Variants in NKAIN3 observed in about 807,000 individuals in gnomAD.
NKAIN3 encodes sodium/potassium-transporting ATPase subunit beta-1-interacting protein 3.
In NKAIN3, 25 loss-of-function variants were observed where a neutral mutation model predicts 30.2. The observed-to-expected ratio is 0.83, with a 90% CI of 0.60 to 1.16. NKAIN3 has a LOEUF of 1.16. Among genes scored for constraint, NKAIN3 ranks in the 50% most tolerant of loss-of-function variants. The pLI, the probability that NKAIN3 is intolerant of heterozygous loss-of-function variation, is 0.00. For missense variants in NKAIN3, 225 were observed against 254.1 expected (o/e 0.89, Z 0.78); for synonymous variants, 91 against 89.6 (o/e 1.02, Z -0.09).
At chr8:62,400,391 C>T (rs1817900926) in intron 1 of NKAIN3, among the ~76,000 whole-genome samples, 2 of 151,924 alleles carry the variant, frequency 1.3e-5, no homozygotes, top group Non-Finnish European at 2.9e-5. Flanking sequence ...AGGCTGGTCT[C>T]GAACTCCTGA....
At chr8:62,762,328 A>T (rs77560306) in intron 4 of NKAIN3, among the ~76,000 whole-genome samples, 1 of 145,718 alleles carries the variant, frequency 6.9e-6, no homozygotes, top group Non-Finnish European at 1.5e-5. Flanking sequence ...AAAAAAAAAA[A>T]CAAAAAACAA....
chr8:62,790,221 A>G (rs1237278385), intron 4 of NKAIN3, among the ~76,000 whole-genome samples: 4 of 152,194 alleles, frequency 2.6e-5, no homozygotes, highest in Non-Finnish European at 4.4e-5. Context: ...CCACATGATT[A>G]TCTCAGTAGA....
chr8:62,261,223 T>A (rs1323323269), intron 1 of NKAIN3, among the ~76,000 whole-genome samples: 1 of 152,242 alleles, frequency 6.6e-6, no homozygotes, highest in African/African-American at 2.4e-5. Flanking sequence ...TTGCTTTGAA[T>A]ACGTCTGTAA....
chr8:62,849,985 G>A (rs561146652), intron 4 of NKAIN3, among the ~76,000 whole-genome samples: 52 of 152,150 alleles, frequency 3.4e-4, no homozygotes, highest in African/African-American at 1.2e-3. Context: ...TGCGATAGCT[G>A]GGTGAAATGG....
In NKAIN3 at chr8:62,490,711, C is replaced by T. The variant is rs534282543; in HGVS notation, c.55-88828C>T. ...GATTCATGGGTACCAAATGATGGCC[C>T]AGCCCATCACGATGCCATCCCAGTG... is the stretch of plus-strand genomic sequence containing the variant. On this transcript the variant is annotated intron_variant, in intron 1 of 6. Coordinates refer to ENST00000623646, the MANE Select transcript of NKAIN3 (RefSeq NM_001304533.3). Among the ~76,000 whole-genome samples, 3 of 152,210 alleles carry T rather than the reference C, an allele frequency of 2.0e-5. No homozygotes were observed. In the South Asian group the frequency reaches 6.2e-4, roughly 32 times the overall value.
chr8:62,444,179 G>A lies in NKAIN3; in HGVS notation c.55-135360G>A, dbSNP rs1329341920. Among the ~76,000 whole-genome samples the A allele has an allele frequency of 2.6e-5, 4 of 152,102 alleles. No homozygotes were observed. The East Asian group carries it at 7.8e-4, about 29-fold the overall frequency. Reference sequence around the variant, plus strand: ...TCATAATTTATATAATATATAATATGTGAAGGACAAATCAGGGTAATTGAG... The same window carrying A: ...TCATAATTTATATAATATATAATATATGAAGGACAAATCAGGGTAATTGAG... On this transcript the variant is annotated intron_variant, in intron 1 of 6. Coordinates refer to ENST00000623646, the MANE Select transcript of NKAIN3 (RefSeq NM_001304533.3).
chr8:62,949,353 GT>G (rs1823215575), intron 5 of NKAIN3, among the ~76,000 whole-genome samples: 1 of 152,162 alleles, frequency 6.6e-6, no homozygotes, highest in African/African-American at 2.4e-5. Flanking sequence ...GCTATTGGTT[GT>G]GTATTTTTTT....
chr8:62,505,396 G>A (rs375513853), intron 1 of NKAIN3, among the ~76,000 whole-genome samples: 1 of 152,048 alleles, frequency 6.6e-6, no homozygotes, highest in Non-Finnish European at 1.5e-5. Context: ...ATTATGAAAA[G>A]CAAAATTTCT....
chr8:62,355,190 T>C (rs118068046), intron 1 of NKAIN3, among the ~76,000 whole-genome samples: 1 of 152,168 alleles, frequency 6.6e-6, no homozygotes, highest in African/African-American at 2.4e-5. Context: ...AGCTGAGGGT[T>C]CTTTTCACAT....
In NKAIN3 at chr8:62,970,049, C is replaced by CA. The variant is rs1313148899; in HGVS notation, c.*4648dup. 2.7e-5 allele frequency among the ~76,000 whole-genome samples: 4 copies of CA among 147,816 alleles called. No homozygotes were observed. In the East Asian group the frequency reaches 8.2e-4, roughly 30 times the overall value. ...ATCTCTACAAAAACAAACAAATAAA[C>CA]AAAAAATACCTAAAAAAAAATTTAA... On this transcript the variant is annotated 3_prime_UTR_variant, in exon 7 of 7. Transcript: ENST00000623646.
intron 3 of NKAIN3, among the ~76,000 whole-genome samples, chr8:62,664,537 C>T (rs886886712): frequency 3.3e-5 from 5 of 152,090 alleles, no homozygotes; most frequent in African/African-American, 1.2e-4. Flanking sequence ...GTGGATTCCT[C>T]TCTCATTTTT....
intron 5 of NKAIN3, among the ~76,000 whole-genome samples, chr8:62,943,323 T>G (rs1002754706): frequency 6.6e-6 from 1 of 150,378 alleles, no homozygotes; most frequent in African/African-American, 2.5e-5. Flanking sequence ...GAAATGCAAA[T>G]CAAAACTACA....
At chr8:62,529,720 C>T (rs1808428091) in intron 1 of NKAIN3, among the ~76,000 whole-genome samples, 1 of 152,058 alleles carries the variant, frequency 6.6e-6, no homozygotes, top group Non-Finnish European at 1.5e-5. Context: ...CCACCCAGTA[C>T]ATGGTATTCT....
chr8:62,472,592 A>G (rs1037503317), intron 1 of NKAIN3, among the ~76,000 whole-genome samples: 2 of 152,170 alleles, frequency 1.3e-5, no homozygotes, highest in African/African-American at 4.8e-5. Flanking sequence ...GCTTTAGCTG[A>G]AGTTATCTCA....
intron 1 of NKAIN3, among the ~76,000 whole-genome samples, chr8:62,356,414 G>T (rs1563362941): frequency 6.6e-6 from 1 of 152,032 alleles, no homozygotes; most frequent in Non-Finnish European, 1.5e-5. Context: ...ACTTACATTT[G>T]TTTATGTATT....
intron 1 of NKAIN3, among the ~76,000 whole-genome samples, chr8:62,543,719 A>G (rs1033094269): frequency 6.6e-6 from 1 of 152,190 alleles, no homozygotes; most frequent in Non-Finnish European, 1.5e-5. Context: ...AATGTGTAAC[A>G]TTTGTAATAC....
chr8:62,316,932 C>G (rs1381900153), intron 1 of NKAIN3, among the ~76,000 whole-genome samples: 1 of 152,162 alleles, frequency 6.6e-6, no homozygotes, highest in Admixed American at 6.5e-5. Flanking sequence ...TCCTTTCCAG[C>G]ACCTGTTGTT....
chr8:62,566,936 G>C (rs1361085160), intron 1 of NKAIN3, among the ~76,000 whole-genome samples: 1 of 151,864 alleles, frequency 6.6e-6, no homozygotes, highest in East Asian at 1.9e-4. Context: ...ATCTCAAATG[G>C]GGCATTAGTA....
At chr8:62,304,324 T>C (rs1814153353) in intron 1 of NKAIN3, among the ~76,000 whole-genome samples, 1 of 150,384 alleles carries the variant, frequency 6.6e-6, no homozygotes, top group African/African-American at 2.5e-5. Flanking sequence ...CTTCTTTTCT[T>C]ATATGGTCCA....
Sources: allele counts gnomAD v4.1 joint callset (sites outside exome capture counted in the v4.1 genomes callset), GRCh38; gene constraint gnomAD v4.1.1; transcripts MANE v1.5; gene names NCBI Gene and HGNC (gene_info 2026-07-23, HGNC 2026-07-21).